The following RAB10 variants were observed in gnomAD, a reference collection of about 807,000 sequenced individuals.
The protein encoded by RAB10 is RAB10, member RAS oncogene family.
RAB10 carries 5 observed loss-of-function variants against 25.7 expected under a neutral mutation model. The ratio of observed to expected loss-of-function variants is 0.19; its 90% confidence interval spans 0.10 to 0.41. RAB10 has a LOEUF of 0.41. Ranked by LOEUF, RAB10 falls within the 10% of genes least tolerant of loss-of-function variation. The pLI is 1.00. For missense variants in RAB10, 103 were observed against 245.8 expected (o/e 0.42, Z 3.89); for synonymous variants, 89 against 86.4 (o/e 1.03, Z -0.16).
At chr2:26,048,480 G>A (rs1666062642) in intron 1 of RAB10, among the ~76,000 whole-genome samples, 2 of 152,168 alleles carry the variant, frequency 1.3e-5, no homozygotes, top group Non-Finnish European at 2.9e-5. Context: ...GTGTTGAAAA[G>A]TCCTTTTATG....
At chr2:26,099,320 T>C (rs1667292154) in intron 2 of RAB10, among the ~76,000 whole-genome samples, 1 of 152,168 alleles carries the variant, frequency 6.6e-6, no homozygotes, top group Non-Finnish European at 1.5e-5. Flanking sequence ...TGATATAGAA[T>C]AAGTGCACAT....
chr2:26,124,389 C>CTTTTTTTT (rs10669615), intron 3 of RAB10, among the ~76,000 whole-genome samples: 1,096 of 19,670 alleles, frequency 0.056, 442 homozygotes, highest in East Asian at 0.087. Flanking sequence ...GTTGTTGTTG[C>CTTTTTTTT]TTTTTTTTTT....
intron 1 of RAB10, 181 bp from the exon 2 acceptor site, chr2:26,098,481 G>A (rs932753536): frequency 2.9e-5 from 16 of 549,674 alleles, no homozygotes; most frequent in Non-Finnish European, 4.4e-5. Context: ...TCCTATCCTG[G>A]ATCTTGTATT....
chr2:26,055,391 A>ATT (rs536425050), intron 1 of RAB10, among the ~76,000 whole-genome samples: 47 of 138,774 alleles, frequency 3.4e-4, no homozygotes, highest in South Asian at 9.1e-4. Flanking sequence ...CACTTGGCTA[A>ATT]TTTTTTTTTT....
At chr2:26,086,486 G>T (rs1666990812) in intron 1 of RAB10, among the ~76,000 whole-genome samples, 1 of 152,170 alleles carries the variant, frequency 6.6e-6, no homozygotes, top group African/African-American at 2.4e-5. Flanking sequence ...GGAGAAATTG[G>T]AGCCCTTATA....
In RAB10 at chr2:26,135,148, C is replaced by A; in HGVS notation, c.*127C>A. The A allele has an allele frequency of 1.6e-6, 1 of 629,274 alleles. No homozygotes were observed. Among genetic ancestry groups the A allele is most frequent in the Non-Finnish European group, 2.5e-6 (1 of 400,756 alleles). 39.0% of individuals were successfully genotyped at this position (629,274 alleles called of 1,614,324 possible). On this transcript the variant is annotated 3_prime_UTR_variant, in exon 6 of 6. Coordinates refer to ENST00000264710, the MANE Select transcript of RAB10 (RefSeq NM_016131.5). ...TTTCTCATCTTAACTATCCAAGCCACCTATTTTATTTGTTCTTTCATCTGT... is the reference window on the plus strand; with the variant it reads ...TTTCTCATCTTAACTATCCAAGCCAACTATTTTATTTGTTCTTTCATCTGT...
At chr2:26,046,401 G>C (rs1435998922) in intron 1 of RAB10, among the ~76,000 whole-genome samples, 1 of 152,060 alleles carries the variant, frequency 6.6e-6, no homozygotes, top group Non-Finnish European at 1.5e-5. Flanking sequence ...TCAGTCTTAA[G>C]GGAAATCTGA....
At chr2:26,052,378 G>A (rs1195031688) in intron 1 of RAB10, among the ~76,000 whole-genome samples, 2 of 151,690 alleles carry the variant, frequency 1.3e-5, no homozygotes, top group East Asian at 3.9e-4. Flanking sequence ...AGAGTGAGAC[G>A]CATTCTCAAA....
chr2:26,037,000 G>GTCTTGAAC lies in RAB10; in HGVS notation c.127+2271_127+2272insACTCTTGA, dbSNP rs545965804. 4.3e-4 allele frequency among the ~76,000 whole-genome samples: 65 copies of GTCTTGAAC among 152,016 alleles called. 2 individuals carry two copies. In the South Asian group the frequency reaches 0.013, roughly 30 times the overall value. On this transcript the variant is annotated intron_variant, in intron 1 of 5. Coordinates refer to ENST00000264710, the MANE Select transcript of RAB10 (RefSeq NM_016131.5). ...TGGTTTCACCATGTTGGTCAGGCTG[G>GTCTTGAAC]TCTTGACCTCAAGCAATCCACCGCC...
chr2:26,083,969 C>T (rs186168735), intron 1 of RAB10, among the ~76,000 whole-genome samples: 3 of 152,238 alleles, frequency 2.0e-5, no homozygotes, highest in East Asian at 1.9e-4. Flanking sequence ...TACAAAATAT[C>T]GCTGAGAGAA....
At chr2:26,120,743 A>C (rs1264460856) in intron 3 of RAB10, among the ~76,000 whole-genome samples, 1 of 151,356 alleles carries the variant, frequency 6.6e-6, no homozygotes, top group Non-Finnish European at 1.5e-5. Context: ...GGCGTCCATC[A>C]ACACACCCAG....
At position 26,106,762 on chromosome 2, in the gene RAB10, A is replaced by G. The variant is rs188359903; in HGVS notation, c.189-3006A>G. ...TTGTCCAGTGTGGTGGCACACGCCT[A>G]TAGTCCCAGCTCTTTGGGAGGCTGA... On this transcript the variant is annotated intron_variant, in intron 2 of 5. Transcript: ENST00000264710. 6.6e-5 allele frequency among the ~76,000 whole-genome samples: 10 copies of G among 151,346 alleles called. No homozygotes were observed. In the East Asian group the frequency reaches 7.9e-4, roughly 12 times the overall value.
chr2:26,059,545 T>C (rs1666353153), intron 1 of RAB10, among the ~76,000 whole-genome samples: 1 of 152,196 alleles, frequency 6.6e-6, no homozygotes, highest in South Asian at 2.1e-4. Context: ...GGGTAAAAAT[T>C]GTGAGTACTT....
At chr2:26,055,973 C>T (rs933030246) in intron 1 of RAB10, among the ~76,000 whole-genome samples, 3 of 151,966 alleles carry the variant, frequency 2.0e-5, no homozygotes, top group Admixed American at 2.0e-4. Context: ...CAGCTCACTG[C>T]AGCCTCAAAC....
At chr2:26,053,698 T>C (rs1044523714) in intron 1 of RAB10, among the ~76,000 whole-genome samples, 42 of 151,976 alleles carry the variant, frequency 2.8e-4, no homozygotes, top group African/African-American at 9.4e-4. Flanking sequence ...AAATTAGATA[T>C]TAATGGACAA....
At chr2:26,075,681 C>T (rs1183845991) in intron 1 of RAB10, among the ~76,000 whole-genome samples, 2 of 151,998 alleles carry the variant, frequency 1.3e-5, no homozygotes, top group Non-Finnish European at 2.9e-5. Flanking sequence ...GACAAGTTGT[C>T]ATGACATTAT....
intron 3 of RAB10, among the ~76,000 whole-genome samples, chr2:26,121,421 T>G (rs1667800969): frequency 1.3e-5 from 2 of 152,154 alleles, no homozygotes; most frequent in African/African-American, 4.8e-5. Flanking sequence ...AGGGGTCAAG[T>G]GATTCTTCCT....
At position 26,135,299 on chromosome 2, in the gene RAB10, T is replaced by G; in HGVS notation, c.*278T>G. ...GCATTTCAGTTGTATTATAGTCCAG[T>G]TCTTATCAACATTAAAACCTATAGC... On this transcript the variant is annotated 3_prime_UTR_variant, in exon 6 of 6. Transcript: ENST00000264710. The G allele has an allele frequency of 3.1e-6, 1 of 319,790 alleles. No homozygotes were observed. Among genetic ancestry groups the G allele is most frequent in the South Asian group, 7.4e-5 (1 of 13,480 alleles). 19.8% of individuals were successfully genotyped at this position (319,790 alleles called of 1,614,324 possible).
At chr2:26,036,633 T>G (rs1665770520) in intron 1 of RAB10, among the ~76,000 whole-genome samples, 1 of 151,380 alleles carries the variant, frequency 6.6e-6, no homozygotes, top group Admixed American at 6.6e-5. Context: ...CACTCCAGCC[T>G]GGGCAACAAA....
Sources: allele counts gnomAD v4.1 joint callset (sites outside exome capture counted in the v4.1 genomes callset), GRCh38; gene constraint gnomAD v4.1.1; transcripts MANE v1.5; gene names NCBI Gene and HGNC (gene_info 2026-07-23, HGNC 2026-07-21).